The following SLC2A2 variants were observed in gnomAD, a reference collection of about 807,000 sequenced individuals.
SLC2A2 encodes solute carrier family 2 member 2, also known as solute carrier family 2, facilitated glucose transporter member 2.
SLC2A2 carries 36 observed loss-of-function variants against 54.5 expected under a neutral mutation model. The observed-to-expected ratio is 0.66, with a 90% CI of 0.51 to 0.87. SLC2A2 has a LOEUF of 0.87. Ranked by LOEUF, SLC2A2 falls within the 40% of genes least tolerant of loss-of-function variation. SLC2A2 has a pLI of 0.00. For missense variants in SLC2A2, 543 were observed against 624.3 expected (o/e 0.87, Z 1.39); for synonymous variants, 223 against 219.1 (o/e 1.02, Z -0.16).
intron 1 of SLC2A2, among the ~76,000 whole-genome samples, chr3:171,023,168 A>G (rs746958230): frequency 3.3e-5 from 5 of 152,172 alleles, no homozygotes; most frequent in Admixed American, 6.5e-5. Context: ...CAGGGCCTGC[A>G]GTTCCTTATT....
Position 170,997,745 on chromosome 3 carries a change from A to C in SLC2A2, c.*158T>G. 1.5e-6 allele frequency: 1 copy of C among 674,232 alleles called. No individual in the cohort carries two copies. Among genetic ancestry groups the C allele is most frequent in the South Asian group, 1.9e-5 (1 of 53,462 alleles). 41.8% of individuals were successfully genotyped at this position (674,232 alleles called of 1,614,324 possible). ...AAAAATATATTCTCTAACTTAAAAA[A>C]ATACTTTTTTGGTAATATTTGATGA... On this transcript the variant is annotated 3_prime_UTR_variant, in exon 11 of 11. Transcript: ENST00000314251.
At position 171,005,937 on chromosome 3, in the gene SLC2A2, A is replaced by G. The variant is rs1715579883; in HGVS notation, c.775+6T>C. On this transcript the variant is annotated splice_donor_region_variant and intron_variant, in intron 6 of 10. Coordinates refer to ENST00000314251, the MANE Select transcript of SLC2A2 (RefSeq NM_000340.2). ...AGGAAGAAAGAAAAACCATCCACAG[A>G]CTTACTTTGTTTTGCTTTGACTTCC... 3.7e-6 allele frequency: 6 copies of G among 1,611,568 alleles called. No homozygotes were observed. In the African/African-American group the frequency reaches 4.0e-5, roughly 11 times the overall value.
chr3:170,999,992 C>T (rs1403658215), intron 8 of SLC2A2, among the ~76,000 whole-genome samples: 1 of 152,018 alleles, frequency 6.6e-6, no homozygotes, highest in Non-Finnish European at 1.5e-5. Context: ...TCACTCTCCC[C>T]CTCACCCCCC....
intron 7 of SLC2A2, 67 bp downstream of exon 7, chr3:171,005,218 G>T: frequency 7.5e-7 from 1 of 1,325,466 alleles, no homozygotes; most frequent in Non-Finnish European, 1.1e-6. Context: ...ATTTAAACTT[G>T]TACCCCTTGC....
chr3:170,996,903 C>T lies in SLC2A2; in HGVS notation c.*1000G>A. On this transcript the variant is annotated 3_prime_UTR_variant, in exon 11 of 11. Coordinates refer to ENST00000314251, the MANE Select transcript of SLC2A2 (RefSeq NM_000340.2). ...AAGCCCACACTCAGGAATCCTCAAA[C>T]CCTACCTTTTCAACTTATTTTGAGA... 2.7e-6 allele frequency: 1 copy of T among 373,856 alleles called. No homozygotes were observed. The highest frequency in any genetic ancestry group is 2.1e-5 in the African/African-American group (1 of 48,036). The allele number at this position is 373,856 out of a possible 1,614,324, so 23.2% of individuals were successfully genotyped here. A position where few individuals can be genotyped will look rare whatever the true frequency, so the allele number is the denominator to read the frequency against.
intron 1 of SLC2A2, among the ~76,000 whole-genome samples, chr3:171,019,988 A>G (rs769839846): frequency 6.6e-6 from 1 of 152,220 alleles, no homozygotes; most frequent in Non-Finnish European, 1.5e-5. Flanking sequence ...GTACATTTAC[A>G]TAAATTTTTA....
In SLC2A2 at chr3:171,010,098, G is replaced by A. The variant is rs372176041; in HGVS notation, c.372-16C>T. ...GGCTTTGATTCTGAAATTTTAAAAA[G>A]CAAGGAATATAAATTCAGCATCAAA... On this transcript the variant is annotated splice_polypyrimidine_tract_variant and intron_variant, in intron 3 of 10. Coordinates refer to ENST00000314251, the MANE Select transcript of SLC2A2 (RefSeq NM_000340.2). 82 of 1,610,794 alleles carry A rather than the reference G, an allele frequency of 5.1e-5. No individual in the cohort carries two copies. Among genetic ancestry groups the A allele is most frequent in the Admixed American group, 2.7e-4 (16 of 59,878 alleles).
At chr3:171,022,453 T>A (rs1289667052) in intron 1 of SLC2A2, among the ~76,000 whole-genome samples, 1 of 152,198 alleles carries the variant, frequency 6.6e-6, no homozygotes, top group Non-Finnish European at 1.5e-5. Context: ...TTCCCCCACT[T>A]ACCAGTAGAA....
chr3:171,019,908 GAGA>G (rs781584431), intron 1 of SLC2A2, among the ~76,000 whole-genome samples: 15 of 152,178 alleles, frequency 9.9e-5, no homozygotes, highest in Non-Finnish European at 1.5e-4. Context: ...TGTGAGGTTG[GAGA>G]AGGAGAGTGA....
At chr3:170,998,418 A>C in intron 9 of SLC2A2, 22 bp from the exon 10 acceptor site, 6 of 1,589,510 alleles carry the variant, frequency 3.8e-6, no homozygotes, top group Non-Finnish European at 4.3e-6. Context: ...AACAAAAACA[A>C]TAGTGGGACT....
At chr3:171,011,794 A>G (rs540144613) in intron 3 of SLC2A2, among the ~76,000 whole-genome samples, 2 of 152,262 alleles carry the variant, frequency 1.3e-5, no homozygotes, top group South Asian at 2.1e-4. Context: ...ACAAGTTGTT[A>G]CCACCTAGCT....
rs569315962 is a variant in SLC2A2 at position 171,019,302 on chromosome 3, A to G, written c.16-679T>C. Reference sequence around the variant, plus strand: ...ATGGGGAGCTCTGTTGGATGTTGCCATGGTGACAAAAATACTCATATAAGA... The same window carrying G: ...ATGGGGAGCTCTGTTGGATGTTGCCGTGGTGACAAAAATACTCATATAAGA... On this transcript the variant is annotated intron_variant, in intron 1 of 10. Transcript: ENST00000314251. Among the ~76,000 whole-genome samples, 35 of 152,050 alleles carry G rather than the reference A, an allele frequency of 2.3e-4. 1 individual carries two copies. In the South Asian group the frequency reaches 7.1e-3, roughly 31 times the overall value.
At chr3:171,016,815 C>T (rs2108259697) in intron 2 of SLC2A2, among the ~76,000 whole-genome samples, 1 of 151,210 alleles carries the variant, frequency 6.6e-6, no homozygotes, top group South Asian at 2.1e-4. Context: ...TTAGCCTAAG[C>T]TTCCGTCTAA....
At chr3:171,010,142 C>A in intron 3 of SLC2A2, 60 bp from the exon 4 acceptor site, 1 of 1,545,356 alleles carries the variant, frequency 6.5e-7, no homozygotes, top group Non-Finnish European at 8.9e-7. Context: ...AAATTATTCG[C>A]TTTCAGAGCA....
At chr3:171,009,883 G>A (rs1226215480) in intron 4 of SLC2A2, 75 bp downstream of exon 4, 23 of 1,519,000 alleles carry the variant, frequency 1.5e-5, no homozygotes, top group East Asian at 9.9e-5. Context: ...TACCACATCC[G>A]CCTTTAGAGT....
intron 1 of SLC2A2, among the ~76,000 whole-genome samples, chr3:171,020,984 T>A (rs1027963564): frequency 2.0e-5 from 3 of 151,526 alleles, no homozygotes; most frequent in Admixed American, 1.3e-4. Context: ...ATATTAACAT[T>A]TTATGTTTAT....
At chr3:171,022,303 G>A (rs1716498462) in intron 1 of SLC2A2, among the ~76,000 whole-genome samples, 1 of 152,144 alleles carries the variant, frequency 6.6e-6, no homozygotes, top group Non-Finnish European at 1.5e-5. Context: ...GAAAAATCTA[G>A]GACCATAATC....
intron 2 of SLC2A2, among the ~76,000 whole-genome samples, chr3:171,015,971 C>T (rs972489276): frequency 5.3e-5 from 8 of 152,204 alleles, no homozygotes; most frequent in East Asian, 1.9e-4. Context: ...TCATTCCTCT[C>T]AATGATGATT....
chr3:171,012,674 C>T (rs1315238250), intron 3 of SLC2A2, among the ~76,000 whole-genome samples: 1 of 152,030 alleles, frequency 6.6e-6, no homozygotes, highest in South Asian at 2.1e-4. Flanking sequence ...AGATAAATGA[C>T]ACTGGTAATA....
Sources: gnomAD v4.1 joint callset for allele counts (sites outside exome capture counted in the v4.1 genomes callset) on GRCh38, gnomAD v4.1.1 for gene constraint, MANE v1.5 for transcripts, NCBI Gene and HGNC (gene_info 2026-07-23, HGNC 2026-07-21) for gene names.